TEX48: variants seen among roughly 807,000 people sequenced by gnomAD.
The protein encoded by TEX48 is testis-expressed protein 48.
Under a neutral mutation model 13.2 loss-of-function variants are expected in TEX48, and 10 were observed. The observed-to-expected ratio is 0.75, with a 90% CI of 0.47 to 1.28. The LOEUF is 1.28. TEX48 is among the 50% of genes most tolerant of loss of function. The probability of loss-of-function intolerance (pLI) is 0.00; values close to 1 mark genes in which losing one functional copy is unlikely to be tolerated. For synonymous variants in TEX48, 45 were observed against 52.3 expected (o/e 0.86, Z 0.60); for missense variants, 116 against 139.4 (o/e 0.83, Z 0.84).
chr9:114,673,561 T>G (rs545733274), intron 1 of TEX48, among the ~76,000 whole-genome samples: 3 of 151,310 alleles, frequency 2.0e-5, no homozygotes, highest in African/African-American at 7.3e-5. Flanking sequence ...TTAAAACAAC[T>G]GGAATAAATA....
chr9:114,679,809 A>C (rs78350475), intron 1 of TEX48, among the ~76,000 whole-genome samples: 6,416 of 152,148 alleles, frequency 0.042, 212 homozygotes, highest in East Asian at 0.12. Flanking sequence ...TTTTCCCCTC[A>C]CCTTGACTGA....
intron 1 of TEX48, among the ~76,000 whole-genome samples, chr9:114,674,941 G>A (rs1828035872): frequency 6.6e-6 from 1 of 151,612 alleles, no homozygotes; most frequent in African/African-American, 2.4e-5. Flanking sequence ...AAAGTGCTGG[G>A]GTTACAGGTG....
At chr9:114,667,619 G>A (rs1045535502) in intron 4 of TEX48, among the ~76,000 whole-genome samples, 4 of 152,090 alleles carry the variant, frequency 2.6e-5, no homozygotes, top group Non-Finnish European at 2.9e-5. Flanking sequence ...AGATGATGCC[G>A]CCAGGTGCGG....
intron 1 of TEX48, among the ~76,000 whole-genome samples, chr9:114,680,209 C>A (rs934895571): frequency 6.8e-6 from 1 of 146,750 alleles, no homozygotes. Flanking sequence ...GTCACTGCAA[C>A]CTCCGCCTCC....
intron 1 of TEX48, among the ~76,000 whole-genome samples, chr9:114,675,157 G>T (rs1417023052): frequency 3.3e-5 from 5 of 152,136 alleles, no homozygotes; most frequent in Admixed American, 1.3e-4. Flanking sequence ...AAAAATTGAG[G>T]GTGTTTGTAG....
At chr9:114,668,096 T>C in intron 4 of TEX48, 110 bp downstream of exon 4, 1 of 1,358,528 alleles carries the variant, frequency 7.4e-7, no homozygotes, top group Non-Finnish European at 9.9e-7. Flanking sequence ...TGGGAGCAAT[T>C]CCATCTCCCC....
chr9:114,673,287 A>G (rs987124961), intron 1 of TEX48, among the ~76,000 whole-genome samples: 1 of 152,106 alleles, frequency 6.6e-6, no homozygotes, highest in Non-Finnish European at 1.5e-5. Flanking sequence ...AGCCTGACCA[A>G]CATGGAGAAA....
intron 1 of TEX48, among the ~76,000 whole-genome samples, chr9:114,677,763 C>CTT (rs201283065): frequency 0.13 from 18,788 of 146,628 alleles, 1,347 homozygotes; most frequent in East Asian, 0.2. Context: ...AAGAAGGTCA[C>CTT]TTTTTTTTTT....
At chr9:114,670,074 C>G (rs1296292936) in intron 3 of TEX48, among the ~76,000 whole-genome samples, 1 of 152,170 alleles carries the variant, frequency 6.6e-6, no homozygotes, top group East Asian at 1.9e-4. Flanking sequence ...TCATTCATAT[C>G]TGCAAAATGC....
intron 1 of TEX48, among the ~76,000 whole-genome samples, chr9:114,677,460 T>C (rs1828096930): frequency 6.6e-6 from 1 of 152,360 alleles, no homozygotes; most frequent in Middle Eastern, 3.4e-3. Context: ...ATTAATCTGC[T>C]TCGTATTCTG....
At chr9:114,671,038 A>G (rs558868966) in intron 3 of TEX48, among the ~76,000 whole-genome samples, 1 of 152,264 alleles carries the variant, frequency 6.6e-6, no homozygotes, top group African/African-American at 2.4e-5. Flanking sequence ...ATAGTCTTTA[A>G]TCCAGTGCTT....
intron 1 of TEX48, among the ~76,000 whole-genome samples, chr9:114,674,595 C>T (rs1354324449): frequency 6.2e-5 from 6 of 96,232 alleles, no homozygotes; most frequent in Non-Finnish European, 1.3e-4. Context: ...TCTCTTTTCT[C>T]TTTTTCTTTC....
At chr9:114,668,949 G>C (rs1220176879) in intron 3 of TEX48, among the ~76,000 whole-genome samples, 1 of 151,986 alleles carries the variant, frequency 6.6e-6, no homozygotes, top group African/African-American at 2.4e-5. Flanking sequence ...CAATCCTCCT[G>C]CCTCAGCCCC....
intron 1 of TEX48, among the ~76,000 whole-genome samples, chr9:114,675,415 A>G (rs970210164): frequency 1.3e-5 from 2 of 151,962 alleles, no homozygotes; most frequent in African/African-American, 4.8e-5. Flanking sequence ...CATGTTCCCT[A>G]TTTCGTGGGA....
intron 4 of TEX48, 122 bp from the exon 5 acceptor site, chr9:114,666,868 C>T: frequency 1.6e-6 from 1 of 606,574 alleles, no homozygotes; most frequent in Non-Finnish European, 2.9e-6. Context: ...TCAAGGGACC[C>T]AAGGCAGACC....
intron 1 of TEX48, among the ~76,000 whole-genome samples, chr9:114,680,792 C>T (rs1250226302): frequency 2.6e-5 from 4 of 152,168 alleles, no homozygotes; most frequent in Non-Finnish European, 4.4e-5. Context: ...CTGTGTGACA[C>T]TCATTTAATC....
rs1443128226 is a variant in TEX48, at chr9:114,668,366, TG to T, written c.128-30del. ...GCAATGAGAATTCCACAGGGTCACG[TG>T]GGGGAGGCTTAGGTGAGATCACGGA... On this transcript the variant is annotated intron_variant, in intron 3 of 4. Coordinates refer to ENST00000436752, the MANE Select transcript of TEX48 (RefSeq NM_001199233.2). 10 of 1,532,396 alleles carry T rather than the reference TG, an allele frequency of 6.5e-6. No individual in the cohort carries two copies. In the African/African-American group the frequency reaches 1.4e-4, roughly 21 times the overall value. The allele number at this position is 1,532,396 out of a possible 1,614,324, so 94.9% of individuals were successfully genotyped here. A position where few individuals can be genotyped will look rare whatever the true frequency, so the allele number is the denominator to read the frequency against.
chr9:114,680,031 A>G (rs889622008), intron 1 of TEX48, among the ~76,000 whole-genome samples: 4 of 152,008 alleles, frequency 2.6e-5, no homozygotes, highest in African/African-American at 9.7e-5. Context: ...CTGGCTATCT[A>G]AGGTAGATGG....
intron 1 of TEX48, among the ~76,000 whole-genome samples, chr9:114,674,949 G>C (rs1219211985): frequency 6.6e-6 from 1 of 151,500 alleles, no homozygotes; most frequent in East Asian, 1.9e-4. Context: ...GGGGTTACAG[G>C]TGTGAGTCAC....
Sources: gnomAD v4.1 joint callset for allele counts (sites outside exome capture counted in the v4.1 genomes callset) on GRCh38, gnomAD v4.1.1 for gene constraint, MANE v1.5 for transcripts, NCBI Gene and HGNC (gene_info 2026-07-23, HGNC 2026-07-21) for gene names.